EXO1: variants seen among roughly 807,000 people sequenced by gnomAD.
EXO1 encodes the protein exonuclease 1.
A neutral mutation model predicts 84.5 loss-of-function variants in EXO1; 69 were observed. The ratio of observed to expected loss-of-function variants is 0.82; its 90% confidence interval spans 0.67 to 1.00. The LOEUF (loss-of-function observed/expected upper bound fraction) is 1.00, where lower values mean the gene tolerates loss of function less well. Among genes scored for constraint, EXO1 ranks in the 50% least tolerant of loss-of-function variants. EXO1 has a pLI of 0.00. For synonymous variants in EXO1, 373 were observed against 366.1 expected, an observed-to-expected ratio of 1.02 and a Z score of -0.21; for missense variants, 1,045 against 1,000.7, an observed-to-expected ratio of 1.04 and a Z score of -0.60.
intron 10 of EXO1, among the ~76,000 whole-genome samples, chr1:241,865,517 T>C (rs1178517188): frequency 6.6e-6 from 1 of 152,160 alleles, no homozygotes; most frequent in Non-Finnish European, 1.5e-5. Context: ...GGCCTATAAT[T>C]TCATTAAGAA....
rs1661732629 is a variant in EXO1 at position 241,866,433 on chromosome 1, C to T, written c.1042-397C>T. ...CTGGCTGCTTTCCATTTAAAAGACA[C>T]CGTTTTCCTGACCACATTTCTTCAG... is the stretch of plus-strand genomic sequence containing the variant. On this transcript the variant is annotated intron_variant, in intron 10 of 15. Coordinates refer to ENST00000366548, the MANE Select transcript of EXO1 (RefSeq NM_130398.4). 6.6e-5 allele frequency among the ~76,000 whole-genome samples: 10 copies of T among 152,280 alleles called. No individual in the cohort carries two copies. In the South Asian group the frequency reaches 1.9e-3, roughly 28 times the overall value.
intron 15 of EXO1, 22 bp downstream of exon 15, chr1:241,885,529 T>G: frequency 6.4e-7 from 1 of 1,555,612 alleles, no homozygotes; most frequent in South Asian, 1.1e-5. Context: ...TGTTTCTTAT[T>G]CTGAAACAAG....
At position 241,864,573 on chromosome 1, in the gene EXO1, G is replaced by C. The variant is rs1032800812; in HGVS notation, c.1042-2257G>C. Among the ~76,000 whole-genome samples, 9 of 152,160 alleles carry C rather than the reference G, an allele frequency of 5.9e-5. No individual in the cohort carries two copies. The East Asian group carries it at 1.5e-3, about 26-fold the overall frequency. ...ACAGGGTCAAATAATTCTCTCTTTC[G>C]TTAGTCATTCCCCCACCAGGGGCTT... On this transcript the variant is annotated intron_variant, in intron 10 of 15. Transcript: ENST00000366548.
At chr1:241,884,879 T>C (rs1662962240) in intron 14 of EXO1, among the ~76,000 whole-genome samples, 1 of 152,244 alleles carries the variant, frequency 6.6e-6, no homozygotes, top group Non-Finnish European at 1.5e-5. Context: ...AGCACATTTT[T>C]ACCATTGCTC....
chr1:241,852,144 T>TA, intron 4 of EXO1, 148 bp from the exon 5 acceptor site: 1 of 671,880 alleles, frequency 1.5e-6, no homozygotes, highest in Non-Finnish European at 2.5e-6. Flanking sequence ...TCTAGTAAGT[T>TA]AGAGTTCCAA....
chr1:241,888,083 C>A (rs982735388), intron 15 of EXO1, among the ~76,000 whole-genome samples: 1 of 152,020 alleles, frequency 6.6e-6, no homozygotes. Flanking sequence ...AAAAAGTATA[C>A]CAAAGAATTA....
chr1:241,864,566 CTCTT>C (rs1661598485), intron 10 of EXO1, among the ~76,000 whole-genome samples: 1 of 152,236 alleles, frequency 6.6e-6, no homozygotes, highest in South Asian at 2.1e-4. Flanking sequence ...AAATAATTCT[CTCTT>C]TCGTTAGTCA....
chr1:241,853,398 C>G lies in EXO1; in HGVS notation c.322C>G (p.Arg108Gly). The G allele has an allele frequency of 6.2e-7, 1 of 1,613,842 alleles. No individual in the cohort carries two copies. The change falls in exon 6 of 16, where the codon CGT becomes GGT. Residue 108 changes from arginine to glycine, a missense_variant. Transcript: ENST00000366548. ...ANLLKGKQLLREGKVSEAREC... is the reference protein window; with the variant it reads ...ANLLKGKQLLGEGKVSEAREC... Reference sequence around the variant, plus strand: ...TCTTCTTAAGGGAAAGCAACTTCTTCGTGAGGGGAAAGTCTCGGAAGCTCG... The same window carrying G: ...TCTTCTTAAGGGAAAGCAACTTCTTGGTGAGGGGAAAGTCTCGGAAGCTCG...
chr1:241,889,748 A>T lies in EXO1; in HGVS notation c.*148A>T. On this transcript the variant is annotated 3_prime_UTR_variant, in exon 16 of 16. Transcript: ENST00000366548. ...AATACATTTTGTATATTAACTTTAT[A>T]ATTGGGTTGTGGTTTTTTTGCTCAG... 1 of 756,122 alleles carries T rather than the reference A, an allele frequency of 1.3e-6. No homozygotes were observed. Among genetic ancestry groups the T allele is most frequent in the Non-Finnish European group, 2.2e-6 (1 of 447,310 alleles). The allele number at this position is 756,122 out of a possible 1,614,324, so 46.8% of individuals were successfully genotyped here.
intron 6 of EXO1, among the ~76,000 whole-genome samples, 171 bp downstream of exon 6, chr1:241,853,652 A>G (rs552656525): frequency 5.9e-5 from 9 of 152,006 alleles, no homozygotes; most frequent in Admixed American, 2.0e-4. Context: ...GACTTCAGCA[A>G]TTTCCAAGGA....
At chr1:241,885,822 A>G (rs1330566406) in intron 15 of EXO1, among the ~76,000 whole-genome samples, 4 of 146,234 alleles carry the variant, frequency 2.7e-5, no homozygotes, top group Non-Finnish European at 4.5e-5. Flanking sequence ...TGTAAAGAGA[A>G]TAAAATTTTA....
chr1:241,861,422 A>G lies in EXO1; in HGVS notation c.961A>G (p.Ile321Val), dbSNP rs754051450. 1.3e-6 allele frequency: 2 copies of G among 1,540,294 alleles called. No individual in the cohort carries two copies. The highest frequency in any genetic ancestry group is 9.0e-7 in the Non-Finnish European group (1 of 1,112,672). Reference protein sequence around the residue: ...SYAGQYVDDSIALQIALGNKD... With the variant: ...SYAGQYVDDSVALQIALGNKD... ...CTAATCTAGATATGTTGATGATTCC[A>G]TAGCTCTTCAAATAGCACTTGGAAA... Residue 321 changes from isoleucine (I) to valine (V), a missense_variant, in exon 10 of 16, where the codon ATA becomes GTA. Ile to Val is a conservative substitution (Grantham distance 29, BLOSUM62 3). Coordinates refer to ENST00000366548, the MANE Select transcript of EXO1 (RefSeq NM_130398.4).
rs766612173 is a variant in EXO1 at position 241,853,447 on chromosome 1, A to G, written c.371A>G (p.Asn124Ser). The G allele has an allele frequency of 1.2e-6, 2 of 1,614,098 alleles. No individual in the cohort carries two copies. Among genetic ancestry groups the G allele is most frequent in the Non-Finnish European group, 1.7e-6 (2 of 1,180,012 alleles). The change falls in exon 6 of 16, where the codon AAT (asparagine) becomes AGT (serine). Residue 124 changes from asparagine to serine, a missense_variant. Transcript: ENST00000366548. ...CGAGAGTGTTTCACCCGGTCTATCA[A>G]TATCACACATGCCATGGCCCACAAA... ...EARECFTRSI[N>S]ITHAMAHKVI...
Position 241,852,370 on chromosome 1 carries a change from T to G in EXO1, c.240T>G (p.Cys80Trp), listed in dbSNP as rs1436474433. Residue 80 changes from cysteine (C) to tryptophan (W), a missense_variant, in exon 5 of 16, where the codon TGT becomes TGG. Coordinates refer to ENST00000366548, the MANE Select transcript of EXO1 (RefSeq NM_130398.4). ...AGCCTATTCTCGTATTTGATGGATGTACTTTACCTTCTAAAAAGGAAGTAG... is the reference window on the plus strand; with the variant it reads ...AGCCTATTCTCGTATTTGATGGATGGACTTTACCTTCTAAAAAGGAAGTAG... The part of the protein sequence containing the change: ...GIKPILVFDG[C>W]TLPSKKEVER... 6.3e-7 allele frequency: 1 copy of G among 1,590,030 alleles called. No homozygotes were observed. Among genetic ancestry groups the G allele is most frequent in the Non-Finnish European group, 8.6e-7 (1 of 1,158,572 alleles).
chr1:241,880,438 T>A (rs1317778175), intron 13 of EXO1, among the ~76,000 whole-genome samples: 1 of 152,236 alleles, frequency 6.6e-6, no homozygotes, highest in Non-Finnish European at 1.5e-5. Flanking sequence ...CTGAGAAGCC[T>A]TATCAGTTCA....
At chr1:241,864,046 A>G (rs1661560264) in intron 10 of EXO1, among the ~76,000 whole-genome samples, 1 of 152,058 alleles carries the variant, frequency 6.6e-6, no homozygotes, top group African/African-American at 2.4e-5. Flanking sequence ...CGCTCTCTGT[A>G]ACTGCTGTGT....
intron 13 of EXO1, among the ~76,000 whole-genome samples, chr1:241,881,095 T>G (rs1662721719): frequency 6.6e-6 from 1 of 152,170 alleles, no homozygotes; most frequent in South Asian, 2.1e-4. Context: ...TGGTACAATC[T>G]CGGCTCACTG....
chr1:241,879,489 T>C (rs1662617632), intron 13 of EXO1, 146 bp downstream of exon 13: 1 of 612,900 alleles, frequency 1.6e-6, no homozygotes, highest in South Asian at 2.0e-5. Flanking sequence ...AAAGTTCACA[T>C]TTTATTCATT....
At chr1:241,858,096 C>G (rs1281514316) in intron 7 of EXO1, among the ~76,000 whole-genome samples, 1 of 152,100 alleles carries the variant, frequency 6.6e-6, no homozygotes, top group Non-Finnish European at 1.5e-5. Flanking sequence ...TCCTGAATTT[C>G]TATATTTTCC....
Sources: allele counts gnomAD v4.1 joint callset (sites outside exome capture counted in the v4.1 genomes callset), GRCh38; gene constraint gnomAD v4.1.1; transcripts MANE v1.5; gene names NCBI Gene and HGNC (gene_info 2026-07-23, HGNC 2026-07-21).